The following VPS13C variants were observed in gnomAD, a reference collection of about 807,000 sequenced individuals.
VPS13C encodes intermembrane lipid transfer protein VPS13C.
A neutral mutation model predicts 456.8 loss-of-function variants in VPS13C; 358 were observed. The ratio of observed to expected loss-of-function variants is 0.78; its 90% CI spans 0.72 to 0.86. VPS13C has a LOEUF of 0.86. Among genes scored for constraint, VPS13C ranks in the 40% least tolerant of loss-of-function variants. The probability of loss-of-function intolerance (pLI) is 0.00; values close to 1 mark genes in which losing one functional copy is unlikely to be tolerated. For missense variants in VPS13C, 4,818 were observed against 4,385.4 expected, an observed-to-expected ratio of 1.10 and a Z score of -2.79; for synonymous variants, 1,578 against 1,486.7, an observed-to-expected ratio of 1.06 and a Z score of -1.41.
intron 37 of VPS13C, among the ~76,000 whole-genome samples, chr15:61,956,963 C>CA (rs912069854): frequency 1.3e-5 from 2 of 149,800 alleles, no homozygotes; most frequent in African/African-American, 2.5e-5. Context: ...CCTATGTATC[C>CA]AAAAAAAAAG....
chr15:61,896,472 C>G (rs1389218763), intron 66 of VPS13C, among the ~76,000 whole-genome samples: 1 of 152,174 alleles, frequency 6.6e-6, no homozygotes, highest in Non-Finnish European at 1.5e-5. Flanking sequence ...CCCTTTCCTA[C>G]TCAAAGAAAG....
Position 61,871,987 on chromosome 15 carries a change from AC to A in VPS13C, c.10624+1del. The A allele has an allele frequency of 6.2e-7, 1 of 1,611,292 alleles. No homozygotes were observed. Among genetic ancestry groups the A allele is most frequent in the Non-Finnish European group, 8.5e-7 (1 of 1,178,474 alleles). ...TAAAGGAAGGAAATATTTTCAACAT[AC>A]CTTCCACAGGTTTTGTTATTATTCC... On this transcript the variant is annotated splice_donor_variant, in intron 79 of 84. Coordinates refer to ENST00000644861, the MANE Select transcript of VPS13C (RefSeq NM_020821.3). LOFTEE classifies it high-confidence loss of function.
intron 9 of VPS13C, among the ~76,000 whole-genome samples, chr15:62,016,320 G>A (rs1024859352): frequency 1.1e-4 from 16 of 151,526 alleles, no homozygotes; most frequent in East Asian, 7.7e-4. Flanking sequence ...TGTGCACAAC[G>A]TGCAGATTAG....
intron 34 of VPS13C, 138 bp downstream of exon 34, chr15:61,962,233 G>T: frequency 1.4e-6 from 1 of 732,608 alleles, no homozygotes; most frequent in Non-Finnish European, 2.1e-6. Context: ...TAGGGGTTTT[G>T]ATCTCTACAT....
intron 67 of VPS13C, among the ~76,000 whole-genome samples, chr15:61,889,482 T>A (rs1219589672): frequency 6.6e-6 from 1 of 152,144 alleles, no homozygotes; most frequent in Non-Finnish European, 1.5e-5. Context: ...CCTATCCTGG[T>A]TATATTTTGT....
At chr15:61,879,850 C>T (rs1895721642) in intron 73 of VPS13C, among the ~76,000 whole-genome samples, 5 of 152,102 alleles carry the variant, frequency 3.3e-5, no homozygotes, top group African/African-American at 1.2e-4. Flanking sequence ...TATCACCAAA[C>T]TAATAGATCA....
At chr15:61,889,555 G>T (rs1249282969) in intron 67 of VPS13C, among the ~76,000 whole-genome samples, 2 of 152,034 alleles carry the variant, frequency 1.3e-5, no homozygotes, top group African/African-American at 2.4e-5. Flanking sequence ...CAAATTAAGT[G>T]TGATTTTTAA....
rs760167651 is a variant in VPS13C at position 61,913,272 on chromosome 15, T to C, written c.8550+39A>G. 4.5e-6 allele frequency: 7 copies of C among 1,568,592 alleles called. No homozygotes were observed. In the African/African-American group the frequency reaches 9.5e-5, roughly 21 times the overall value. ...CTTGTTTGTTGAACTGTAGCAAAGG[T>C]GAACGGAATCAAAGGTAAATAAGGA... On this transcript the variant is annotated intron_variant, in intron 62 of 84. Transcript: ENST00000644861.
intron 8 of VPS13C, among the ~76,000 whole-genome samples, chr15:62,022,348 T>C (rs993887675): frequency 2.0e-5 from 3 of 151,990 alleles, no homozygotes; most frequent in African/African-American, 7.2e-5. Flanking sequence ...AACTCCACAC[T>C]GTTTTCCAAA....
intron 5 of VPS13C, among the ~76,000 whole-genome samples, chr15:62,031,062 A>C (rs1002691387): frequency 5.3e-5 from 8 of 152,122 alleles, no homozygotes; most frequent in African/African-American, 1.9e-4. Flanking sequence ...ACTCCAATGA[A>C]ATAAAAGGAG....
rs578235345 is a variant in VPS13C, at chr15:61,897,962, A to C, written c.9106-7562T>G. Among the ~76,000 whole-genome samples the C allele has an allele frequency of 6.4e-3, 969 of 152,320 alleles. 7 individuals carry two copies. The highest frequency in any genetic ancestry group is 0.01 in the Non-Finnish European group (710 of 68,016). Reference sequence around the variant, plus strand: ...GGGCCAATATTCAACATTCTTGAAGAAAAGAATTTTCAACCCAGAATTTCA... The same window carrying C: ...GGGCCAATATTCAACATTCTTGAAGCAAAGAATTTTCAACCCAGAATTTCA... On this transcript the variant is annotated intron_variant, in intron 66 of 84. Coordinates refer to ENST00000644861, the MANE Select transcript of VPS13C (RefSeq NM_020821.3).
chr15:62,044,214 G>A lies in VPS13C; in HGVS notation c.142C>T (p.Leu48=), dbSNP rs774965539. Residue 48 remains leucine (L), a splice_region_variant and synonymous_variant, in exon 2 of 85, where the codon CTG becomes TTG. Coordinates refer to ENST00000644861, the MANE Select transcript of VPS13C (RefSeq NM_020821.3). Reference sequence around the variant, plus strand: ...AGCATAGTTTAAAAAAAACTTACCAGGGCATTTTCTTTTATCTGTAGATTA... The same window carrying A: ...AGCATAGTTTAAAAAAAACTTACCAAGGCATTTTCTTTTATCTGTAGATTA... The part of the protein sequence containing the change: ...LDNLQIKENA[L]SELDVPFKVK... 4.0e-6 allele frequency: 6 copies of A among 1,482,816 alleles called. No homozygotes were observed. Among genetic ancestry groups the A allele is most frequent in the South Asian group, 1.2e-5 (1 of 83,660 alleles). The allele number at this position is 1,482,816 out of a possible 1,614,324, so 91.9% of individuals were successfully genotyped here. A position where few individuals can be genotyped will look rare whatever the true frequency, so the allele number is the denominator to read the frequency against.
At position 61,918,229 on chromosome 15, in the gene VPS13C, AT is replaced by A. The variant is rs1373957609; in HGVS notation, c.7666del (p.Ile2556SerfsTer17). 8.2e-6 allele frequency: 13 copies of A among 1,587,652 alleles called. No individual in the cohort carries two copies. The highest frequency in any genetic ancestry group is 1.0e-5 in the Non-Finnish European group (12 of 1,169,016). ...AACATTCTTAACAAATTTATAGATG[AT>A]AAATGCAATGGAGAAATGGTTTTTG... ...QIKNHFSIAFIIYKFVKNVKL... is the reference protein window; with the variant it reads ...QIKNHFSIAFXIYKFVKNVKL... On this transcript the variant is annotated frameshift_variant, in exon 59 of 85. Transcript: ENST00000644861. LOFTEE classifies it high-confidence loss of function.
At chr15:61,930,991 A>C (rs779244960) in intron 50 of VPS13C, 99 bp downstream of exon 50, 52 of 1,365,080 alleles carry the variant, frequency 3.8e-5, no homozygotes, top group Non-Finnish European at 5.1e-5. Context: ...CAAAAGACAG[A>C]GATCTTTTTT....
rs1192089202 is a variant in VPS13C, at chr15:61,929,743, A to T, written c.6044T>A (p.Ile2015Asn). 1 of 1,608,212 alleles carries T rather than the reference A, an allele frequency of 6.2e-7. No individual in the cohort carries two copies. The highest frequency in any genetic ancestry group is 1.3e-5 in the African/African-American group (1 of 74,758). ...GTTATCTTGGTCATTCTTTCTGTCA[A>T]TCATTCTGAAAAAAAACATGCTATT... Reference protein sequence around the residue: ...EGIERATSRMIDRKNDQDNNS... With the variant: ...EGIERATSRMNDRKNDQDNNS... Residue 2015 changes from isoleucine to asparagine, a missense_variant, in exon 51 of 85, where the codon ATT (isoleucine) becomes AAT (asparagine). Around this residue, in one of 3 missense-constraint regions of VPS13C, gnomAD observed 4,552 missense variants for 4,130.6 expected, o/e 1.10. Coordinates refer to ENST00000644861, the MANE Select transcript of VPS13C (RefSeq NM_020821.3).
chr15:61,972,599 C>CT, intron 27 of VPS13C, 26 bp downstream of exon 27: 1 of 1,606,788 alleles, frequency 6.2e-7, no homozygotes, highest in Non-Finnish European at 8.5e-7. Flanking sequence ...CAGAATATAT[C>CT]TATTTATAGA....
chr15:61,981,270 C>T, intron 22 of VPS13C, 72 bp downstream of exon 22: 22 of 1,451,242 alleles, frequency 1.5e-5, no homozygotes, highest in Non-Finnish European at 2.0e-5. Flanking sequence ...AAGAAAAAAA[C>T]AGCAAACTGT....
In VPS13C at chr15:61,951,016, C is replaced by G. The variant is rs747689941; in HGVS notation, c.4465G>C (p.Gly1489Arg). 2.3e-5 allele frequency: 37 copies of G among 1,589,188 alleles called. No individual in the cohort carries two copies. The highest frequency in any genetic ancestry group is 3.1e-5 in the Non-Finnish European group (36 of 1,169,492). ...GAGTTAATAATGTGAAGAGGTTCCC[C>G]TTTAGAGTCTAAAAGAGAAAAAAGA... is the stretch of plus-strand genomic sequence containing the variant. ...MQCFDFTDSKGEPLHIINSSN... is the reference protein window; with the variant it reads ...MQCFDFTDSKREPLHIINSSN... Residue 1489 changes from glycine (G) to arginine (R), a missense_variant, in exon 40 of 85, where the codon GGG becomes CGG. Physicochemically the swap from Gly to Arg is moderately radical, Grantham distance 125. Coordinates refer to ENST00000644861, the MANE Select transcript of VPS13C (RefSeq NM_020821.3).
chr15:61,962,638 T>C (rs571243672), intron 33 of VPS13C, 100 bp from the exon 34 acceptor site: 6 of 1,335,218 alleles, frequency 4.5e-6, no homozygotes, highest in Non-Finnish European at 6.0e-6. Flanking sequence ...TATAAAAAAA[T>C]TTTTCTATTG....
Sources: gnomAD v4.1 joint callset for allele counts (sites outside exome capture counted in the v4.1 genomes callset) on GRCh38, gnomAD v4.1.1 for gene constraint, gnomAD v4.1.1 regional missense constraint, MANE v1.5 for transcripts, NCBI Gene and HGNC (gene_info 2026-07-23, HGNC 2026-07-21) for gene names.